The following PREX2 variants were observed in gnomAD, a reference collection of about 807,000 sequenced individuals.
PREX2 encodes phosphatidylinositol-3,4,5-trisphosphate dependent Rac exchange factor 2.
PREX2 carries 107 observed loss-of-function variants against 203.2 expected under a neutral mutation model. That is an observed-to-expected ratio of 0.53 (90% CI 0.45 to 0.62). The LOEUF (loss-of-function observed/expected upper bound fraction) is 0.62, where lower values mean the gene tolerates loss of function less well. PREX2 is among the 20% of genes least tolerant of loss of function. The probability of loss-of-function intolerance (pLI) is 0.00; values close to 1 mark genes in which losing one functional copy is unlikely to be tolerated. For missense variants in PREX2, 1,777 were observed against 1,955.9 expected, an observed-to-expected ratio of 0.91 and a Z score of 1.72; for synonymous variants, 672 against 663.6, an observed-to-expected ratio of 1.01 and a Z score of -0.19.
intron 32 of PREX2, 115 bp downstream of exon 32, chr8:68,134,391 G>A (rs773826565): frequency 1.5e-5 from 11 of 746,742 alleles, no homozygotes; most frequent in Non-Finnish European, 2.2e-5. Context: ...GAATGTGCGT[G>A]CATTCAGCTA....
At chr8:67,960,832 A>T (rs182086814) in intron 1 of PREX2, among the ~76,000 whole-genome samples, 1 of 152,012 alleles carries the variant, frequency 6.6e-6, no homozygotes. Context: ...AAGGGAATTG[A>T]GCTTGGACAT....
At chr8:68,125,987 T>TG (rs1810878056) in intron 30 of PREX2, among the ~76,000 whole-genome samples, 1 of 152,066 alleles carries the variant, frequency 6.6e-6, no homozygotes, top group South Asian at 2.1e-4. Context: ...CACAGAGTCT[T>TG]GCGGTGATTT....
intron 32 of PREX2, 49 bp downstream of exon 32, chr8:68,134,325 C>A: frequency 7.2e-7 from 1 of 1,396,778 alleles, no homozygotes; most frequent in Non-Finnish European, 1.0e-6. Flanking sequence ...GTAACCTGCA[C>A]TGTAACATGT....
At chr8:68,058,005 G>C (rs1353843853) in intron 10 of PREX2, among the ~76,000 whole-genome samples, 1 of 152,200 alleles carries the variant, frequency 6.6e-6, no homozygotes, top group Non-Finnish European at 1.5e-5. Context: ...TGATAGGTAG[G>C]AGAGACTCAG....
intron 35 of PREX2, 33 bp downstream of exon 35, chr8:68,157,469 G>A: frequency 1.7e-6 from 2 of 1,146,874 alleles, no homozygotes; most frequent in Non-Finnish European, 2.6e-6. Flanking sequence ...AATAATGAGT[G>A]TCTATATTTT....
At position 68,192,379 on chromosome 8, in the gene PREX2, A is replaced by G. The variant is rs752869768; in HGVS notation, c.4458A>G (p.Val1486=). 6.2e-7 allele frequency: 1 copy of G among 1,612,226 alleles called. No homozygotes were observed. The highest frequency in any genetic ancestry group is 8.5e-7 in the Non-Finnish European group (1 of 1,178,800). The change falls in exon 37 of 40, where the codon GTA becomes GTG. Residue 1486 remains valine (V), a synonymous_variant. Coordinates refer to ENST00000288368, the MANE Select transcript of PREX2 (RefSeq NM_024870.4). ...LNALDELYRL[V]ASFIRSKRTA... ...CTTTGGATGAACTTTACCGACTGGT[A>G]GCCTCGTTTATCAGATCCAAGCGCA...
intron 14 of PREX2, among the ~76,000 whole-genome samples, chr8:68,075,526 G>A (rs114667993): frequency 0.016 from 2,414 of 152,236 alleles, 69 homozygotes; most frequent in African/African-American, 0.055. Flanking sequence ...ACCTTCTGTG[G>A]TCCCAGATCC....
At chr8:68,213,225 G>A (rs998056344) in intron 37 of PREX2, among the ~76,000 whole-genome samples, 3 of 152,154 alleles carry the variant, frequency 2.0e-5, no homozygotes, top group African/African-American at 7.2e-5. Flanking sequence ...TAACCACAGC[G>A]AATTGAACGC....
chr8:68,168,935 CT>C (rs1811815210), intron 35 of PREX2, among the ~76,000 whole-genome samples: 1 of 149,958 alleles, frequency 6.7e-6, no homozygotes, highest in Non-Finnish European at 1.5e-5. Flanking sequence ...TTACAACAAA[CT>C]CTTTATCATT....
At chr8:67,990,151 A>G (rs562902788) in intron 1 of PREX2, among the ~76,000 whole-genome samples, 32 of 152,210 alleles carry the variant, frequency 2.1e-4, no homozygotes, top group South Asian at 4.2e-4. Context: ...ACACCCAGCT[A>G]ATTTTTGTAC....
intron 23 of PREX2, among the ~76,000 whole-genome samples, chr8:68,100,935 G>A (rs2129612598): frequency 1.3e-5 from 2 of 152,210 alleles, no homozygotes; most frequent in Non-Finnish European, 2.9e-5. Flanking sequence ...CATTGAAGAT[G>A]AAGGAGACAA....
At chr8:68,168,169 G>T (rs12682041) in intron 35 of PREX2, among the ~76,000 whole-genome samples, 42,768 of 152,062 alleles carry the variant, frequency 0.28, 6,492 homozygotes, top group East Asian at 0.49. Flanking sequence ...TTTGATACAT[G>T]TACTACGTTT....
At chr8:68,079,137 A>G (rs1300327854) in intron 15 of PREX2, among the ~76,000 whole-genome samples, 1 of 152,194 alleles carries the variant, frequency 6.6e-6, no homozygotes, top group Non-Finnish European at 1.5e-5. Context: ...CCTGGACAAC[A>G]TAGCAAGACC....
Position 68,055,903 on chromosome 8 carries a change from G to A in PREX2, c.1167G>A (p.Met389Ile). Residue 389 changes from methionine to isoleucine, a missense_variant, in exon 10 of 40, where the codon ATG becomes ATA. Physicochemically the swap from Met to Ile is conservative, Grantham distance 10 (BLOSUM62 1). Transcript: ENST00000288368. ...SEQGEKLYKM[M>I]CRQGNLIKDR... ...AGGGTGAGAAACTTTATAAAATGAT[G>A]TGCAGACAAGGAAATCTGATCAAAG... 1 of 1,613,104 alleles carries A rather than the reference G, an allele frequency of 6.2e-7. No individual in the cohort carries two copies. The highest frequency in any genetic ancestry group is 8.5e-7 in the Non-Finnish European group (1 of 1,179,146).
rs750968293 is a variant in PREX2, at chr8:68,118,537, CTGT to C, written c.3327-8_3327-6del. 12 of 1,598,318 alleles carry C rather than the reference CTGT, an allele frequency of 7.5e-6. No individual in the cohort carries two copies. Among genetic ancestry groups the C allele is most frequent in the Non-Finnish European group, 1.0e-5 (12 of 1,165,886 alleles). On this transcript the variant is annotated splice_polypyrimidine_tract_variant and intron_variant, in intron 26 of 39. Coordinates refer to ENST00000288368, the MANE Select transcript of PREX2 (RefSeq NM_024870.4). ...ATGCACTCTTACAGTAACATGAAAC[CTGT>C]TGTTTTCAGTGACTGCAACAGCAAT...
At chr8:68,111,280 A>G (rs1313967703) in intron 25 of PREX2, among the ~76,000 whole-genome samples, 1 of 152,168 alleles carries the variant, frequency 6.6e-6, no homozygotes, top group Non-Finnish European at 1.5e-5. Flanking sequence ...GAGTCTTGTC[A>G]GTGGCAAGAT....
intron 30 of PREX2, among the ~76,000 whole-genome samples, chr8:68,122,534 T>A (rs549231829): frequency 6.6e-6 from 1 of 152,110 alleles, no homozygotes; most frequent in Non-Finnish European, 1.5e-5. Flanking sequence ...GCTGAATAGA[T>A]GCCAGTATTA....
At chr8:68,011,441 AC>A (rs903890804) in intron 1 of PREX2, among the ~76,000 whole-genome samples, 3 of 151,716 alleles carry the variant, frequency 2.0e-5, no homozygotes, top group Non-Finnish European at 4.4e-5. Context: ...TTAAAAAAAA[AC>A]AACATTACTA....
At chr8:68,064,607 G>A (rs1808962625) in intron 11 of PREX2, among the ~76,000 whole-genome samples, 1 of 151,892 alleles carries the variant, frequency 6.6e-6, no homozygotes, top group Admixed American at 6.6e-5. Context: ...TGAACTCCTG[G>A]GCTCAAGCAG....
Sources: gnomAD v4.1 joint callset for allele counts (sites outside exome capture counted in the v4.1 genomes callset) on GRCh38, gnomAD v4.1.1 for gene constraint, MANE v1.5 for transcripts, NCBI Gene and HGNC (gene_info 2026-07-23, HGNC 2026-07-21) for gene names.